RARA: variants seen among roughly 807,000 people sequenced by gnomAD.
RARA encodes the protein retinoic acid receptor alpha.
Under a neutral mutation model 42.8 loss-of-function variants are expected in RARA, and 5 were observed. The ratio of observed to expected loss-of-function variants is 0.12; its 90% confidence interval spans 0.06 to 0.25. The LOEUF is 0.25. Ranked by LOEUF, RARA falls within the 10% of genes least tolerant of loss-of-function variation. The pLI is 1.00. For missense variants in RARA, 402 were observed against 628.7 expected (o/e 0.64, Z 3.86); for synonymous variants, 256 against 259.5 (o/e 0.99, Z 0.13).
At position 40,356,101 on chromosome 17, in the gene RARA, A is replaced by G. The variant is rs1400353822; in HGVS notation, c.1264A>G (p.Thr422Ala). The G allele has an allele frequency of 3.1e-6, 2 of 650,304 alleles. No individual in the cohort carries two copies. Among genetic ancestry groups the G allele is most frequent in the East Asian group, 1.2e-4 (2 of 16,562 alleles). 40.3% of individuals were successfully genotyped at this position (650,304 alleles called of 1,614,324 possible). A position where few individuals can be genotyped will look rare whatever the true frequency, so the allele number is the denominator to read the frequency against. The change falls in exon 9 of 9, where the codon ACT becomes GCT. Residue 422 changes from threonine to alanine, a missense_variant. Transcript: ENST00000254066. ...GTTGGAGAACTCAGAGGGCCTGGAC[A>G]CTCTGAGCGGACAGCCGGGGGGTGG... is the stretch of plus-strand genomic sequence containing the variant. ...EMLENSEGLD[T>A]LSGQPGGGGR...
At chr17:40,331,510 A>G (rs2033692510) in intron 2 of RARA, 114 bp downstream of exon 2, 1 of 1,270,868 alleles carries the variant, frequency 7.9e-7, no homozygotes. Flanking sequence ...GGTGAGCGAC[A>G]AGGTCTTCTC....
At chr17:40,348,648 T>C in intron 3 of RARA, 184 bp downstream of exon 3, 2 of 671,458 alleles carry the variant, frequency 3.0e-6, no homozygotes, top group Non-Finnish European at 4.5e-6. Flanking sequence ...CCCATAAATG[T>C]GCAGGGCTCC....
At chr17:40,353,681 C>A (rs552050339) in intron 6 of RARA, among the ~76,000 whole-genome samples, 1 of 152,292 alleles carries the variant, frequency 6.6e-6, no homozygotes, top group East Asian at 1.9e-4. Flanking sequence ...GTCTCGAACT[C>A]CTGACCTCAG....
Position 40,326,761 on chromosome 17 carries a change from G to T in RARA, c.-362-4096G>T, listed in dbSNP as rs1423849666. On this transcript the variant is annotated intron_variant, in intron 1 of 8. Coordinates refer to ENST00000254066, the MANE Select transcript of RARA (RefSeq NM_000964.4). This position sits in a 1 kb window ranked among gnomAD's most constrained non-coding sequence, Gnocchi z 5.2. The stretch of plus-strand genomic sequence containing the variant: ...TGGGTAGTTTGTTTTCCCTCTCTTT[G>T]GTACTGGTTTCGATTCTCTGCCGAG... Among the ~76,000 whole-genome samples the T allele has an allele frequency of 6.6e-6, 1 of 152,148 alleles. No individual in the cohort carries two copies. Among genetic ancestry groups the T allele is most frequent in the African/African-American group, 2.4e-5 (1 of 41,412 alleles).
At position 40,351,320 on chromosome 17, in the gene RARA, C is replaced by A; in HGVS notation, c.470-590C>A. 4.3e-6 allele frequency: 1 copy of A among 234,336 alleles called. No homozygotes were observed. Among genetic ancestry groups the A allele is most frequent in the Non-Finnish European group, 9.6e-6 (1 of 104,320 alleles). 14.5% of individuals were successfully genotyped at this position (234,336 alleles called of 1,614,324 possible). ...AGTGATTGTGTGTCTGGATAATCGG[C>A]TGGTAACGACCCCATCGCTTCTTTA... On this transcript the variant is annotated intron_variant, in intron 4 of 8. Coordinates refer to ENST00000254066, the MANE Select transcript of RARA (RefSeq NM_000964.4). The surrounding 1 kb of genome is among the most constrained non-coding windows in gnomAD (Gnocchi z 4.1).
At chr17:40,336,659 A>G (rs1286856109) in intron 2 of RARA, among the ~76,000 whole-genome samples, 3 of 151,576 alleles carry the variant, frequency 2.0e-5, no homozygotes, top group Non-Finnish European at 4.4e-5. Context: ...AAGTGCTGGG[A>G]TTACAGGCAT....
At chr17:40,341,993 T>C in intron 2 of RARA, 1 of 1,099,584 alleles carries the variant, frequency 9.1e-7, no homozygotes, top group Non-Finnish European at 1.1e-6. Flanking sequence ...TGCCCCCACT[T>C]GCCTGTCCAC....
At chr17:40,333,077 T>C (rs1191001324) in intron 2 of RARA, among the ~76,000 whole-genome samples, 1 of 152,148 alleles carries the variant, frequency 6.6e-6, no homozygotes, top group Non-Finnish European at 1.5e-5. Flanking sequence ...TGAGACAGAG[T>C]CTTGCTCTGT....
chr17:40,339,753 C>T (rs2033971822), intron 2 of RARA, among the ~76,000 whole-genome samples: 1 of 152,218 alleles, frequency 6.6e-6, no homozygotes, highest in African/African-American at 2.4e-5. Flanking sequence ...TCCCCTGTTC[C>T]TGCCATGAGC....
chr17:40,348,517 C>A (rs759238856), intron 3 of RARA, 53 bp downstream of exon 3: 2 of 1,580,942 alleles, frequency 1.3e-6, no homozygotes, highest in Admixed American at 1.8e-5. Context: ...AATGGGATGT[C>A]CCCACTTCTG....
chr17:40,354,213 C>T lies in RARA; in HGVS notation c.808-89C>T. On this transcript the variant is annotated intron_variant, in intron 6 of 8. Transcript: ENST00000254066. The surrounding 1 kb of genome is among the most constrained non-coding windows in gnomAD (Gnocchi z 4.5). Reference sequence around the variant, plus strand: ...TGCTCCGGCCACCTGCCAGGTGGTCCTCCGGGAGTGCTGGTGCGGAGTGCT... The same window carrying T: ...TGCTCCGGCCACCTGCCAGGTGGTCTTCCGGGAGTGCTGGTGCGGAGTGCT... 7.7e-7 allele frequency: 1 copy of T among 1,296,240 alleles called. No individual in the cohort carries two copies. Among genetic ancestry groups the T allele is most frequent in the Non-Finnish European group, 1.1e-6 (1 of 919,932 alleles). 80.3% of individuals were successfully genotyped at this position (1,296,240 alleles called of 1,614,324 possible).
intron 2 of RARA, chr17:40,342,619 G>T: frequency 1.3e-6 from 2 of 1,526,456 alleles, no homozygotes; most frequent in Non-Finnish European, 1.8e-6. Context: ...TCCCCCAGCT[G>T]CTCTGCTCGG....
chr17:40,342,511 G>T, intron 2 of RARA: 1 of 1,317,722 alleles, frequency 7.6e-7, no homozygotes, highest in Non-Finnish European at 9.7e-7. Context: ...GCTTTTCACC[G>T]GGACTGGCGG....
rs199648564 is a variant in RARA at position 40,355,456 on chromosome 17, C to T, written c.1171+35C>T. The T allele has an allele frequency of 8.9e-5, 141 of 1,581,094 alleles. No homozygotes were observed. The highest frequency in any genetic ancestry group is 1.1e-4 in the Non-Finnish European group (124 of 1,159,346). Reference sequence around the variant, plus strand: ...ACAGACCTGGAGGGGTACCGGCCCCCGACACCTGGCCCAGGCCCCCACATC... The same window carrying T: ...ACAGACCTGGAGGGGTACCGGCCCCTGACACCTGGCCCAGGCCCCCACATC... On this transcript the variant is annotated intron_variant, in intron 8 of 8. Coordinates refer to ENST00000254066, the MANE Select transcript of RARA (RefSeq NM_000964.4). The surrounding 1 kb of genome is among the most constrained non-coding windows in gnomAD (Gnocchi z 4.1).
chr17:40,350,190 G>A (rs1304696077), intron 4 of RARA: 1 of 493,838 alleles, frequency 2.0e-6, no homozygotes, highest in Non-Finnish European at 3.6e-6. Context: ...GGCTGTGTGT[G>A]CTTGCGTATG....
intron 2 of RARA, among the ~76,000 whole-genome samples, chr17:40,336,822 A>T (rs1037362078): frequency 6.6e-6 from 1 of 152,052 alleles, no homozygotes; most frequent in Non-Finnish European, 1.5e-5. Context: ...CAGCCTCCCA[A>T]GTAGCTGGGA....
At chr17:40,311,386 G>A (rs2033092715) in intron 1 of RARA, among the ~76,000 whole-genome samples, 1 of 151,990 alleles carries the variant, frequency 6.6e-6, no homozygotes, top group African/African-American at 2.4e-5. Flanking sequence ...ACTAGGAGAG[G>A]AGGAAACACA....
chr17:40,339,675 A>C (rs894593327), intron 2 of RARA, among the ~76,000 whole-genome samples: 1 of 151,702 alleles, frequency 6.6e-6, no homozygotes, highest in Non-Finnish European at 1.5e-5. Context: ...CTGCCTCCCT[A>C]CTTAGAATGC....
chr17:40,342,119 G>A, intron 2 of RARA: 1 of 963,260 alleles, frequency 1.0e-6, no homozygotes, highest in Non-Finnish European at 1.3e-6. Flanking sequence ...AGGGGGTGGT[G>A]CCCGGAGGGG....
Sources: allele counts gnomAD v4.1 joint callset (sites outside exome capture counted in the v4.1 genomes callset), GRCh38; gene constraint gnomAD v4.1.1; non-coding constraint Gnocchi (gnomAD v3.1); transcripts MANE v1.5; gene names NCBI Gene and HGNC (gene_info 2026-07-23, HGNC 2026-07-21).